Variants in MYO9A observed in about 807,000 individuals in gnomAD.
MYO9A encodes the protein myosin IXA.
MYO9A carries 103 observed loss-of-function variants against 293.3 expected under a neutral mutation model. The observed-to-expected ratio is 0.35, with a 90% CI of 0.30 to 0.41. The LOEUF (loss-of-function observed/expected upper bound fraction) is 0.41. Among genes scored for constraint, MYO9A ranks in the 10% least tolerant of loss-of-function variants. The pLI is 1.00. For synonymous variants in MYO9A, 1,001 were observed against 1,035.7 expected (o/e 0.97, Z 0.64); for missense variants, 2,685 against 3,033.0 (o/e 0.89, Z 2.69).
chr15:71,931,515 T>A (rs1435678541), intron 18 of MYO9A, among the ~76,000 whole-genome samples: 1 of 152,154 alleles, frequency 6.6e-6, no homozygotes, highest in Non-Finnish European at 1.5e-5. Context: ...TGTTGCTTTT[T>A]AAAAAATACT....
chr15:72,035,737 C>T (rs1316641267), intron 2 of MYO9A, among the ~76,000 whole-genome samples: 2 of 152,026 alleles, frequency 1.3e-5, no homozygotes, highest in African/African-American at 2.4e-5. Context: ...TCTAGAAGGT[C>T]GAGGCAGCAG....
At chr15:72,089,171 T>C (rs553526581) in intron 1 of MYO9A, among the ~76,000 whole-genome samples, 1 of 152,208 alleles carries the variant, frequency 6.6e-6, no homozygotes, top group East Asian at 1.9e-4. Flanking sequence ...TTTGTTTTTG[T>C]TTTTGTTTTG....
rs777162406 is a variant in MYO9A at position 72,007,876 on chromosome 15, T to C, written c.1330A>G (p.Ile444Val). The change falls in exon 8 of 42, where the codon ATT becomes GTT. Residue 444 changes from isoleucine to valine, a missense_variant. Around this residue, in one of 10 missense-constraint regions of MYO9A, gnomAD observed 289 missense variants for 456.8 expected, o/e 0.63. Transcript: ENST00000356056. ...YKKKTYRDDS[I>V]DICNPEVLPI... is the part of the protein sequence containing the mutation. ...AGAACTTCAGGATTACAGATATCAA[T>C]GGAGTCATCCCGGTATGTCTTCTTT... 17 of 1,613,188 alleles carry C rather than the reference T, an allele frequency of 1.1e-5. No homozygotes were observed. The East Asian group carries it at 2.5e-4, about 23-fold the overall frequency.
intron 18 of MYO9A, among the ~76,000 whole-genome samples, chr15:71,921,838 C>T (rs2058163100): frequency 6.6e-6 from 1 of 152,132 alleles, no homozygotes; most frequent in Admixed American, 6.5e-5. Flanking sequence ...GACATATTTA[C>T]ATAGCTATGA....
intron 39 of MYO9A, among the ~76,000 whole-genome samples, chr15:71,839,419 TTTC>T: frequency 6.6e-6 from 1 of 151,850 alleles, no homozygotes; most frequent in South Asian, 2.1e-4. Flanking sequence ...TCTTTCTTTC[TTTC>T]TTTAAAGATA....
intron 1 of MYO9A, among the ~76,000 whole-genome samples, chr15:72,071,828 G>A (rs1596508573): frequency 6.6e-6 from 1 of 151,786 alleles, no homozygotes; most frequent in African/African-American, 2.4e-5. Context: ...ATTTCTCAAA[G>A]AACTAAAAAT....
intron 11 of MYO9A, among the ~76,000 whole-genome samples, chr15:71,981,374 T>A (rs1285988437): frequency 2.6e-5 from 4 of 152,228 alleles, no homozygotes; most frequent in Non-Finnish European, 4.4e-5. Context: ...TCTTTCCATG[T>A]TGGTATAATT....
In MYO9A at chr15:72,059,734, T is replaced by C. The variant is rs528597743; in HGVS notation, c.-71-13100A>G. ...CTCACTTGAACCCAAACCAGAGTAC[T>C]CTTACTGCCTCTTTTCTAAATGTTC... On this transcript the variant is annotated intron_variant, in intron 1 of 41. Coordinates refer to ENST00000356056, the MANE Select transcript of MYO9A (RefSeq NM_006901.4). Among the ~76,000 whole-genome samples, 17 of 152,318 alleles carry C rather than the reference T, an allele frequency of 1.1e-4. No individual in the cohort carries two copies. The East Asian group carries it at 2.9e-3, about 26-fold the overall frequency.
At chr15:71,933,136 T>C (rs916267828) in intron 18 of MYO9A, among the ~76,000 whole-genome samples, 2 of 152,160 alleles carry the variant, frequency 1.3e-5, no homozygotes, top group African/African-American at 4.8e-5. Flanking sequence ...TGAAAAATTA[T>C]ATAAAATTCA....
At chr15:72,093,412 T>G (rs2079978525) in intron 1 of MYO9A, among the ~76,000 whole-genome samples, 1 of 151,972 alleles carries the variant, frequency 6.6e-6, no homozygotes, top group Non-Finnish European at 1.5e-5. Context: ...GGCCTGCACC[T>G]ATCGTCCCTG....
intron 19 of MYO9A, among the ~76,000 whole-genome samples, chr15:71,913,719 T>G (rs567605796): frequency 6.6e-6 from 1 of 152,330 alleles, no homozygotes; most frequent in East Asian, 1.9e-4. Flanking sequence ...TGACAAACAT[T>G]TTTCTTAACA....
chr15:71,839,551 G>A lies in MYO9A; in HGVS notation c.6838-9240C>T, dbSNP rs190670306. On this transcript the variant is annotated intron_variant, in intron 39 of 41. Coordinates refer to ENST00000356056, the MANE Select transcript of MYO9A (RefSeq NM_006901.4). ...AGTGTCCCCAATTCGTCGGACTATA[G>A]GCATGTACCACCATGCCCAGCTAAC... Among the ~76,000 whole-genome samples the A allele has an allele frequency of 7.2e-5, 11 of 152,134 alleles. 1 individual carries two copies. The Middle Eastern group carries it at 0.01, about 141-fold the overall frequency.
intron 1 of MYO9A, among the ~76,000 whole-genome samples, chr15:72,099,038 G>A (rs1446166875): frequency 1.3e-5 from 2 of 152,092 alleles, no homozygotes; most frequent in Non-Finnish European, 2.9e-5. Flanking sequence ...GCTCACACCT[G>A]TAATTCCAAT....
intron 13 of MYO9A, among the ~76,000 whole-genome samples, chr15:71,966,846 A>G (rs2075890658): frequency 6.6e-6 from 1 of 152,214 alleles, no homozygotes; most frequent in Non-Finnish European, 1.5e-5. Context: ...TGCTTAAAAT[A>G]TTATCACAGT....
intron 13 of MYO9A, 68 bp downstream of exon 13, chr15:71,967,916 C>T (rs1193339495): frequency 2.2e-6 from 3 of 1,390,712 alleles, no homozygotes; most frequent in Admixed American, 2.5e-5. Flanking sequence ...ACAAAGAGGG[C>T]AGTGTGCTGG....
At chr15:72,037,581 A>T (rs574557892) in intron 2 of MYO9A, among the ~76,000 whole-genome samples, 2 of 152,286 alleles carry the variant, frequency 1.3e-5, no homozygotes, top group South Asian at 4.1e-4. Flanking sequence ...CAGGCATTTA[A>T]GGAAATCCAA....
At chr15:71,901,086 A>G (rs1427770523) in intron 23 of MYO9A, 105 bp downstream of exon 23, 2 of 1,236,824 alleles carry the variant, frequency 1.6e-6, no homozygotes, top group African/African-American at 1.5e-5. Flanking sequence ...TCATTTCTGA[A>G]GTTCACATTA....
At chr15:72,046,740 A>G (rs1300814668) in intron 1 of MYO9A, 106 bp from the exon 2 acceptor site, 2 of 647,604 alleles carry the variant, frequency 3.1e-6, no homozygotes, top group Middle Eastern at 4.0e-4. Context: ...TCTAAAACAC[A>G]AAATACTAAC....
intron 1 of MYO9A, among the ~76,000 whole-genome samples, chr15:72,085,471 G>A (rs561895950): frequency 1.8e-4 from 27 of 151,436 alleles, no homozygotes; most frequent in African/African-American, 6.3e-4. Flanking sequence ...CAGCTCATTC[G>A]GGTTGGTTAC....
Sources: gnomAD v4.1 joint callset for allele counts (sites outside exome capture counted in the v4.1 genomes callset) on GRCh38, gnomAD v4.1.1 for gene constraint, gnomAD v4.1.1 regional missense constraint, MANE v1.5 for transcripts, NCBI Gene and HGNC (gene_info 2026-07-23, HGNC 2026-07-21) for gene names.